Variants in NHEJ1 observed in about 807,000 individuals in gnomAD.
The protein encoded by NHEJ1 is non-homologous end joining factor 1.
A neutral mutation model predicts 39.4 loss-of-function variants in NHEJ1; 22 were observed. The observed-to-expected ratio is 0.56, with a 90% CI of 0.40 to 0.80. The LOEUF (loss-of-function observed/expected upper bound fraction) is 0.80. NHEJ1 is among the 30% of genes least tolerant of loss of function. The pLI is 0.00. For missense variants in NHEJ1, 329 were observed against 357.1 expected (o/e 0.92, Z 0.63); for synonymous variants, 154 against 135.6 (o/e 1.14, Z -0.94).
intron 3 of NHEJ1, among the ~76,000 whole-genome samples, chr2:219,157,109 C>T (rs1308891833): frequency 2.6e-5 from 4 of 152,222 alleles, no homozygotes; most frequent in African/African-American, 9.7e-5. Context: ...CATCCAGGGT[C>T]TACCTCAAAG....
chr2:219,128,643 T>C (rs1413127876), intron 5 of NHEJ1, among the ~76,000 whole-genome samples: 1 of 152,166 alleles, frequency 6.6e-6, no homozygotes, highest in Non-Finnish European at 1.5e-5. Context: ...GAGCTTCCTT[T>C]GTTTTGGGAA....
intron 1 of NHEJ1, among the ~76,000 whole-genome samples, chr2:219,159,566 T>TATATTTGC (rs1949902428): frequency 5.7e-5 from 1 of 17,660 alleles, no homozygotes; most frequent in African/African-American, 1.5e-4. Flanking sequence ...TATATATGCA[T>TATATTTGC]ATATATATGC....
In NHEJ1 at chr2:219,159,753, G is replaced by C. The variant is rs148251780; in HGVS notation, c.-1+967C>G. 3.3e-5 allele frequency among the ~76,000 whole-genome samples: 5 copies of C among 149,784 alleles called. No homozygotes were observed. In the East Asian group the frequency reaches 7.9e-4, roughly 24 times the overall value. The stretch of plus-strand genomic sequence containing the variant: ...TTAAGCTAGTCCTAGCCGGACAAGA[G>C]CTCCACAATGCCAAAGGTCACAAAC... On this transcript the variant is annotated intron_variant, in intron 1 of 7. Coordinates refer to ENST00000356853, the MANE Select transcript of NHEJ1 (RefSeq NM_024782.3).
intron 5 of NHEJ1, among the ~76,000 whole-genome samples, chr2:219,086,892 C>A (rs1279977709): frequency 6.6e-6 from 1 of 152,150 alleles, no homozygotes; most frequent in East Asian, 1.9e-4. Context: ...ACCCCCTCCC[C>A]TTTGGAGGGC....
chr2:219,151,687 G>T (rs1574744897), intron 3 of NHEJ1, among the ~76,000 whole-genome samples: 1 of 152,072 alleles, frequency 6.6e-6, no homozygotes, highest in African/African-American at 2.4e-5. Context: ...GGGCATATGA[G>T]AGACTAGATA....
chr2:219,159,581 A>ATATGCATG, intron 1 of NHEJ1, among the ~76,000 whole-genome samples: 1 of 119,074 alleles, frequency 8.4e-6, no homozygotes, highest in Non-Finnish European at 1.6e-5. Flanking sequence ...ATATGCATAT[A>ATATGCATG]TATATGCATA....
At chr2:219,143,246 T>A (rs1409133577) in intron 5 of NHEJ1, among the ~76,000 whole-genome samples, 1 of 152,178 alleles carries the variant, frequency 6.6e-6, no homozygotes, top group Non-Finnish European at 1.5e-5. Context: ...GGTGACCCCA[T>A]GACCCTTCTG....
intron 5 of NHEJ1, among the ~76,000 whole-genome samples, chr2:219,104,443 C>G (rs1949295772): frequency 6.6e-6 from 1 of 152,180 alleles, no homozygotes; most frequent in South Asian, 2.1e-4. Context: ...TCTCTCTACC[C>G]AGGGTGTTCC....
chr2:219,076,586 C>G (rs1949016717), intron 7 of NHEJ1, 131 bp from the exon 8 acceptor site: 1 of 791,762 alleles, frequency 1.3e-6, no homozygotes, highest in East Asian at 2.7e-5. Context: ...TTTTTCCACC[C>G]AGGCTGGAGT....
intron 5 of NHEJ1, among the ~76,000 whole-genome samples, chr2:219,104,142 G>A (rs1235754031): frequency 2.6e-5 from 4 of 151,980 alleles, no homozygotes; most frequent in Non-Finnish European, 5.9e-5. Flanking sequence ...CAGGGTCACC[G>A]CACTGCATGA....
chr2:219,160,153 C>G lies in NHEJ1; in HGVS notation c.-1+567G>C, dbSNP rs1949917119. ...TTCTCTTGAGTGGAGGGGCGCTGAG[C>G]GGCATCCCGGCGGAGGGGTCCCTTG... is the stretch of plus-strand genomic sequence containing the variant. On this transcript the variant is annotated intron_variant, in intron 1 of 7. Coordinates refer to ENST00000356853, the MANE Select transcript of NHEJ1 (RefSeq NM_024782.3). 2.0e-5 allele frequency among the ~76,000 whole-genome samples: 3 copies of G among 152,320 alleles called. No individual in the cohort carries two copies. The South Asian group carries it at 6.2e-4, about 32-fold the overall frequency.
chr2:219,138,982 C>G (rs1195635836), intron 5 of NHEJ1, among the ~76,000 whole-genome samples: 1 of 152,152 alleles, frequency 6.6e-6, no homozygotes, highest in East Asian at 1.9e-4. Context: ...TGACTCATTT[C>G]TAATAAAAAG....
intron 5 of NHEJ1, among the ~76,000 whole-genome samples, chr2:219,108,559 C>T (rs1415686342): frequency 3.3e-5 from 5 of 152,180 alleles, no homozygotes; most frequent in Non-Finnish European, 7.3e-5. Flanking sequence ...AGGAGGCACG[C>T]TCAGAACTAA....
Position 219,070,187 on chromosome 2 carries a change from T to A in NHEJ1, c.*6194A>T, listed in dbSNP as rs191627099. Among the ~76,000 whole-genome samples the A allele has an allele frequency of 4.5e-3, 684 of 152,166 alleles. 4 individuals are homozygous for A. Among genetic ancestry groups the A allele is most frequent in the South Asian group, 0.017 (80 of 4,802 alleles). ...AGGCGCACATCACCACACTAATTTT[T>A]TTTTTATTTTTATTTTTGAGATGGA... On this transcript the variant is annotated 3_prime_UTR_variant, in exon 8 of 8. Transcript: ENST00000356853.
chr2:219,096,767 C>T (rs1574709528), intron 5 of NHEJ1, among the ~76,000 whole-genome samples: 1 of 152,160 alleles, frequency 6.6e-6, no homozygotes, highest in South Asian at 2.1e-4. Context: ...GTAAGGTGAC[C>T]AATGTAGCTA....
chr2:219,110,252 C>G (rs1420833898), intron 5 of NHEJ1, among the ~76,000 whole-genome samples: 1 of 152,104 alleles, frequency 6.6e-6, no homozygotes, highest in African/African-American at 2.4e-5. Flanking sequence ...GTGCCCACTG[C>G]ACCCTGTAAT....
rs1190427926 is a variant in NHEJ1, at chr2:219,074,500, T to C, written c.*1881A>G. The stretch of plus-strand genomic sequence containing the variant: ...GGCTCAAACGTGTAATCCCAGCACT[T>C]TGGGAGGCCGAGGCAGGTAGATCAC... On this transcript the variant is annotated 3_prime_UTR_variant, in exon 8 of 8. Coordinates refer to ENST00000356853, the MANE Select transcript of NHEJ1 (RefSeq NM_024782.3). 1.3e-5 allele frequency among the ~76,000 whole-genome samples: 2 copies of C among 152,108 alleles called. No homozygotes were observed. The highest frequency in any genetic ancestry group is 2.9e-5 in the Non-Finnish European group (2 of 68,020).
chr2:219,133,806 A>G (rs1172964709), intron 5 of NHEJ1, among the ~76,000 whole-genome samples: 1 of 152,200 alleles, frequency 6.6e-6, no homozygotes, highest in East Asian at 1.9e-4. Context: ...CTACTAATCT[A>G]TCTTCAAAAT....
chr2:219,102,930 G>C (rs1160584873), intron 5 of NHEJ1, among the ~76,000 whole-genome samples: 1 of 146,900 alleles, frequency 6.8e-6, no homozygotes, highest in Admixed American at 6.7e-5. Context: ...GCGTGAACCC[G>C]GGAGGCGGAG....
Sources: allele counts gnomAD v4.1 joint callset (sites outside exome capture counted in the v4.1 genomes callset), GRCh38; gene constraint gnomAD v4.1.1; transcripts MANE v1.5; gene names NCBI Gene and HGNC (gene_info 2026-07-23, HGNC 2026-07-21).